FAM13C: variants seen among roughly 807,000 people sequenced by gnomAD.
FAM13C encodes the protein family with sequence similarity 13 member C.
Under a neutral mutation model 73.2 loss-of-function variants are expected in FAM13C, and 37 were observed. The ratio of observed to expected loss-of-function variants is 0.51; its 90% CI spans 0.39 to 0.67. The LOEUF (loss-of-function observed/expected upper bound fraction) is 0.67. Among genes scored for constraint, FAM13C ranks in the 30% least tolerant of loss-of-function variants. FAM13C has a pLI of 0.00. For synonymous variants in FAM13C, 246 were observed against 260.9 expected (o/e 0.94, Z 0.55); for missense variants, 589 against 715.6 (o/e 0.82, Z 2.02).
At chr10:59,361,630 T>C (rs1856432653) in intron 1 of FAM13C, among the ~76,000 whole-genome samples, 1 of 152,032 alleles carries the variant, frequency 6.6e-6, no homozygotes, top group Non-Finnish European at 1.5e-5. Context: ...ATATATAAAT[T>C]ACATACAGTA....
chr10:59,289,455 T>G (rs1330515668), intron 5 of FAM13C, among the ~76,000 whole-genome samples: 1 of 152,196 alleles, frequency 6.6e-6, no homozygotes, highest in Non-Finnish European at 1.5e-5. Flanking sequence ...GCAGTGAATG[T>G]GCAGAGTTCG....
intron 5 of FAM13C, 65 bp from the exon 6 acceptor site, chr10:59,283,512 T>G: frequency 1.3e-6 from 2 of 1,544,656 alleles, no homozygotes; most frequent in South Asian, 1.1e-5. Flanking sequence ...CAAGGAATTC[T>G]GCCAGCAAAA....
intron 3 of FAM13C, 32 bp downstream of exon 3, chr10:59,352,238 T>C (rs1262524706): frequency 1.9e-6 from 3 of 1,611,532 alleles, no homozygotes; most frequent in South Asian, 1.1e-5. Context: ...ATCACCCGTC[T>C]TGGCAAAAGC....
At position 59,352,260 on chromosome 10, in the gene FAM13C, G is replaced by C; in HGVS notation, c.324+10C>G. The stretch of plus-strand genomic sequence containing the variant: ...GTCTTGGCAAAAGCCTGAGAAGAGA[G>C]AGCTGCTACCTGACTTTCTCCGTGG... On this transcript the variant is annotated intron_variant, in intron 3 of 13. Coordinates refer to ENST00000618804, the MANE Select transcript of FAM13C (RefSeq NM_198215.4). 13 of 1,613,230 alleles carry C rather than the reference G, an allele frequency of 8.1e-6. No homozygotes were observed. The highest frequency in any genetic ancestry group is 1.1e-5 in the Non-Finnish European group (13 of 1,179,880).
chr10:59,265,031 A>G (rs942434708), intron 8 of FAM13C, among the ~76,000 whole-genome samples: 2 of 152,018 alleles, frequency 1.3e-5, no homozygotes, highest in Non-Finnish European at 1.5e-5. Context: ...GATCCACTAA[A>G]TCCATGTAAC....
intron 3 of FAM13C, among the ~76,000 whole-genome samples, chr10:59,329,660 A>T (rs1851704348): frequency 6.6e-6 from 1 of 152,034 alleles, no homozygotes; most frequent in Non-Finnish European, 1.5e-5. Flanking sequence ...GCCTGGACTG[A>T]TTCTATTTTT....
chr10:59,296,722 A>G (rs1564542161), intron 5 of FAM13C, among the ~76,000 whole-genome samples: 1 of 152,212 alleles, frequency 6.6e-6, no homozygotes, highest in Non-Finnish European at 1.5e-5. Context: ...CTCTTTTGGT[A>G]GAACCACAGT....
rs944712218 is a variant in FAM13C at position 59,269,806 on chromosome 10, T to C, written c.803+93A>G. 5 of 1,423,352 alleles carry C rather than the reference T, an allele frequency of 3.5e-6. No individual in the cohort carries two copies. The African/African-American group carries it at 7.1e-5, about 20-fold the overall frequency. 88.2% of individuals were successfully genotyped at this position (1,423,352 alleles called of 1,614,324 possible). A position where few individuals can be genotyped will look rare whatever the true frequency, so the allele number is the denominator to read the frequency against. ...TCGCAGTTGCGTTAGGCAGGCACAT[T>C]TGTGCTACTTCAGTCACACTTCATT... On this transcript the variant is annotated intron_variant, in intron 7 of 13. Transcript: ENST00000618804.
At chr10:59,332,228 G>A (rs1363799817) in intron 3 of FAM13C, among the ~76,000 whole-genome samples, 1 of 151,912 alleles carries the variant, frequency 6.6e-6, no homozygotes, top group African/African-American at 2.4e-5. Flanking sequence ...AGATCAATAT[G>A]TTTGTATATA....
At position 59,270,031 on chromosome 10, in the gene FAM13C, C is replaced by T; in HGVS notation, c.671G>A (p.Arg224Lys). The change falls in exon 7 of 14, where the codon AGG becomes AAG. Residue 224 changes from arginine to lysine, a missense_variant. Physicochemically the swap from Arg to Lys is conservative, Grantham distance 26. Coordinates refer to ENST00000618804, the MANE Select transcript of FAM13C (RefSeq NM_198215.4). ...PEDLHSVGTS[R>K]LLYHITDGDN... ...ACCATCAGTGATGTGATAGAGCAGC[C>T]TGCTGGTCCCCACAGAGTGGAGGTC... is the stretch of plus-strand genomic sequence containing the variant. 6.2e-7 allele frequency: 1 copy of T among 1,613,916 alleles called. No homozygotes were observed. The highest frequency in any genetic ancestry group is 8.5e-7 in the Non-Finnish European group (1 of 1,179,874).
Position 59,246,744 on chromosome 10 carries a change from TG to T in FAM13C, c.*869del. Reference sequence around the variant, plus strand: ...ATGTTTTGACTTTACAAAGTATAGATGTTGGAACATTAAGAAAAATGTATAT... The same window carrying T: ...ATGTTTTGACTTTACAAAGTATAGATTTGGAACATTAAGAAAAATGTATAT... On this transcript the variant is annotated 3_prime_UTR_variant, in exon 14 of 14. Coordinates refer to ENST00000618804, the MANE Select transcript of FAM13C (RefSeq NM_198215.4). The T allele has an allele frequency of 2.5e-6, 1 of 396,830 alleles. No individual in the cohort carries two copies. The allele number at this position is 396,830 out of a possible 1,614,324, so 24.6% of individuals were successfully genotyped here. A position where few individuals can be genotyped will look rare whatever the true frequency, so the allele number is the denominator to read the frequency against.
intron 3 of FAM13C, among the ~76,000 whole-genome samples, chr10:59,335,825 T>G (rs1213984371): frequency 6.6e-6 from 1 of 152,220 alleles, no homozygotes; most frequent in African/African-American, 2.4e-5. Context: ...TAGGACTCAT[T>G]CTCCGTAATC....
At chr10:59,322,747 G>A (rs1215460714) in intron 4 of FAM13C, among the ~76,000 whole-genome samples, 1 of 152,104 alleles carries the variant, frequency 6.6e-6, no homozygotes, top group African/African-American at 2.4e-5. Flanking sequence ...TTCTTTCTGA[G>A]AGAGACAGTC....
chr10:59,280,047 A>C (rs921185558), intron 6 of FAM13C, among the ~76,000 whole-genome samples: 8 of 152,078 alleles, frequency 5.3e-5, no homozygotes, highest in African/African-American at 1.9e-4. Flanking sequence ...TCACCTTCCC[A>C]AGGTCCCACC....
intron 6 of FAM13C, among the ~76,000 whole-genome samples, chr10:59,278,426 T>A (rs905766359): frequency 1.3e-5 from 2 of 152,218 alleles, no homozygotes; most frequent in African/African-American, 4.8e-5. Flanking sequence ...TGTTAGCTAA[T>A]GTTGATGTTA....
chr10:59,269,022 C>T (rs762547760), intron 7 of FAM13C, among the ~76,000 whole-genome samples: 3 of 152,100 alleles, frequency 2.0e-5, no homozygotes, highest in Non-Finnish European at 2.9e-5. Flanking sequence ...CCAAGCCATA[C>T]CTACCAACAT....
At chr10:59,319,095 A>ACG in intron 4 of FAM13C, among the ~76,000 whole-genome samples, 1 of 150,092 alleles carries the variant, frequency 6.7e-6, no homozygotes, top group African/African-American at 2.5e-5. Flanking sequence ...ACACACACAC[A>ACG]CACACACACA....
intron 3 of FAM13C, chr10:59,327,720 T>G (rs1851368587): frequency 6.6e-6 from 1 of 152,112 alleles, no homozygotes; most frequent in African/African-American, 2.4e-5. Flanking sequence ...TATTCTGAAA[T>G]AAATAAGATA....
At chr10:59,341,454 G>T (rs541103490) in intron 3 of FAM13C, among the ~76,000 whole-genome samples, 3 of 152,132 alleles carry the variant, frequency 2.0e-5, no homozygotes, top group African/African-American at 4.8e-5. Flanking sequence ...TTGAGAGGCC[G>T]AGGCGGGCGG....
Sources: gnomAD v4.1 joint callset for allele counts (sites outside exome capture counted in the v4.1 genomes callset) on GRCh38, gnomAD v4.1.1 for gene constraint, MANE v1.5 for transcripts, NCBI Gene and HGNC (gene_info 2026-07-23, HGNC 2026-07-21) for gene names.